The following SYNE3 variants were observed in gnomAD, a reference collection of about 807,000 sequenced individuals.
SYNE3 encodes nesprin-3.
In SYNE3, 100 loss-of-function variants were observed where a neutral mutation model predicts 111.2. The ratio of observed to expected loss-of-function variants is 0.90; its 90% CI spans 0.77 to 1.06. The LOEUF is 1.06. SYNE3 is among the 50% of genes least tolerant of loss of function. The probability of loss-of-function intolerance (pLI) is 0.00; values close to 1 mark genes in which losing one functional copy is unlikely to be tolerated. For synonymous variants in SYNE3, 547 were observed against 533.9 expected (o/e 1.02, Z -0.34); for missense variants, 1,160 against 1,240.3 (o/e 0.94, Z 0.97).
chr14:95,500,419 T>C lies in SYNE3; in HGVS notation c.-15+16177A>G, dbSNP rs557054747. On this transcript the variant is annotated intron_variant, in intron 1 of 17. Transcript: ENST00000682763. This position sits in a 1 kb window ranked among gnomAD's most constrained non-coding sequence, Gnocchi z 4.7. ...AGGGGCTACCCTCAGGAGTGAGTGA[T>C]ACCTTGCAGACGCGTAGGTGTCCTC... 2.7e-3 allele frequency among the ~76,000 whole-genome samples: 410 copies of C among 152,298 alleles called. No homozygotes were observed. The highest frequency in any genetic ancestry group is 3.5e-3 in the Non-Finnish European group (241 of 68,026).
At position 95,433,218 on chromosome 14, in the gene SYNE3, C is replaced by T. The variant is rs763588071; in HGVS notation, c.2688+42G>A. ...CAGGCAAATACGGCCCAGCTATAGT[C>T]CTGTCCCTGGAATCTGGGACCTGCA... On this transcript the variant is annotated intron_variant, in intron 16 of 17. Coordinates refer to ENST00000682763, the MANE Select transcript of SYNE3 (RefSeq NM_152592.6). 3 of 1,603,304 alleles carry T rather than the reference C, an allele frequency of 1.9e-6. No individual in the cohort carries two copies. The African/African-American group carries it at 4.0e-5, about 21-fold the overall frequency.
intron 2 of SYNE3, among the ~76,000 whole-genome samples, chr14:95,471,878 C>T (rs569089598): frequency 6.6e-6 from 1 of 152,202 alleles, no homozygotes; most frequent in Admixed American, 6.5e-5. Context: ...TATCAGGAGA[C>T]CAGGAAAGTG....
chr14:95,443,213 T>C lies in SYNE3; in HGVS notation c.1853A>G (p.His618Arg). ...GGAAAGCTGGTCCATTTTGTGCTGG[T>C]GGTTGGGGTTCTCCTGGACCAGAGG... The part of the protein sequence containing the change: ...ARPLVQENPN[H>R]QHKMDQLSSD... Residue 618 changes from histidine (H) to arginine (R), a missense_variant, in exon 11 of 18, where the codon CAC becomes CGC. His to Arg is a conservative substitution (Grantham distance 29). Coordinates refer to ENST00000682763, the MANE Select transcript of SYNE3 (RefSeq NM_152592.6). 1 of 1,614,140 alleles carries C rather than the reference T, an allele frequency of 6.2e-7. No homozygotes were observed. The highest frequency in any genetic ancestry group is 1.7e-5 in the Admixed American group (1 of 60,018).
At chr14:95,486,746 G>A (rs1039604205) in intron 1 of SYNE3, among the ~76,000 whole-genome samples, 1 of 152,220 alleles carries the variant, frequency 6.6e-6, no homozygotes, top group Non-Finnish European at 1.5e-5. Context: ...AGATGAACAT[G>A]TCTTTCCATT....
At chr14:95,423,414 G>A (rs1312717839) in intron 17 of SYNE3, among the ~76,000 whole-genome samples, 1 of 152,136 alleles carries the variant, frequency 6.6e-6, no homozygotes, top group East Asian at 1.9e-4. Flanking sequence ...AGGTCAGTGA[G>A]GGTCTAGGTT....
chr14:95,415,121 T>A lies in SYNE3; in HGVS notation c.*2705A>T, dbSNP rs1302119716. The A allele has an allele frequency of 6.6e-6, 1 of 151,960 alleles. No homozygotes were observed. The highest frequency in any genetic ancestry group is 6.6e-5 in the Admixed American group (1 of 15,244). 9.4% of individuals were successfully genotyped at this position (151,960 alleles called of 1,614,324 possible). A position where few individuals can be genotyped will look rare whatever the true frequency, so the allele number is the denominator to read the frequency against. On this transcript the variant is annotated 3_prime_UTR_variant, in exon 18 of 18. Coordinates refer to ENST00000682763, the MANE Select transcript of SYNE3 (RefSeq NM_152592.6). ...TCATGTAGTTGCTGACATGAGCGGATCATACCACAATGAGCAGGGTACCAC... is the reference window on the plus strand; with the variant it reads ...TCATGTAGTTGCTGACATGAGCGGAACATACCACAATGAGCAGGGTACCAC...
Position 95,485,469 on chromosome 14 carries a change from TGAGA to T in SYNE3, c.-14-9638_-14-9635del, listed in dbSNP as rs1235161094. ...TTCCTCAGATGCCCTGAAGGTAAAC[TGAGA>T]GAGTCGGCTGCTCCCCGACCAAAGA... On this transcript the variant is annotated intron_variant, in intron 1 of 17. Transcript: ENST00000682763. This position sits in a 1 kb window ranked among gnomAD's most constrained non-coding sequence, Gnocchi z 4.3. 6.6e-6 allele frequency among the ~76,000 whole-genome samples: 1 copy of T among 151,554 alleles called. No individual in the cohort carries two copies. Among genetic ancestry groups the T allele is most frequent in the Non-Finnish European group, 1.5e-5 (1 of 67,758 alleles).
chr14:95,409,077 A>G lies in SYNE3; in HGVS notation c.*8749T>C, dbSNP rs978157433. On this transcript the variant is annotated 3_prime_UTR_variant, in exon 18 of 18. Transcript: ENST00000682763. ...AATGTTGCCCTCCAGCTAACTCACCAGCTGCCAGAGTGGCAGCAGCCCGCG... is the reference window on the plus strand; with the variant it reads ...AATGTTGCCCTCCAGCTAACTCACCGGCTGCCAGAGTGGCAGCAGCCCGCG... 4.5e-6 allele frequency: 2 copies of G among 444,780 alleles called. No individual in the cohort carries two copies. The allele number at this position is 444,780 out of a possible 1,614,324, so 27.6% of individuals were successfully genotyped here.
At chr14:95,460,349 G>A (rs796143398) in intron 4 of SYNE3, among the ~76,000 whole-genome samples, 3 of 149,868 alleles carry the variant, frequency 2.0e-5, no homozygotes, top group African/African-American at 7.4e-5. Flanking sequence ...GCATTACAGG[G>A]GTGCACCACG....
intron 1 of SYNE3, among the ~76,000 whole-genome samples, chr14:95,481,045 G>A (rs1038079740): frequency 1.3e-5 from 2 of 152,208 alleles, no homozygotes; most frequent in Admixed American, 1.3e-4. Flanking sequence ...ATGCTGCGGG[G>A]CTGACTGGGG....
At position 95,460,500 on chromosome 14, in the gene SYNE3, C is replaced by A. The variant is rs372159405; in HGVS notation, c.628-3162G>T. Among the ~76,000 whole-genome samples the A allele has an allele frequency of 5.8e-4, 88 of 151,634 alleles. 1 individual carries two copies. The highest frequency in any genetic ancestry group is 2.0e-3 in the African/African-American group (84 of 41,318). The stretch of plus-strand genomic sequence containing the variant: ...CATCTCAAAGTGCTGGGATTACAGG[C>A]GTGAGCCACCATGCCCAGTCAAAAG... On this transcript the variant is annotated intron_variant, in intron 4 of 17. Transcript: ENST00000682763.
intron 1 of SYNE3, among the ~76,000 whole-genome samples, chr14:95,482,558 AC>A (rs921798123): frequency 2.6e-5 from 4 of 152,190 alleles, no homozygotes; most frequent in Non-Finnish European, 5.9e-5. Flanking sequence ...CTCCCCTGAA[AC>A]ATGAGAGCAA....
At chr14:95,423,168 T>A (rs1235766967) in intron 17 of SYNE3, among the ~76,000 whole-genome samples, 2 of 152,120 alleles carry the variant, frequency 1.3e-5, no homozygotes, top group South Asian at 4.1e-4. Flanking sequence ...TTTCAGTTGA[T>A]TTTGGAGAGG....
intron 4 of SYNE3, among the ~76,000 whole-genome samples, chr14:95,457,775 G>A (rs1344293420): frequency 1.3e-5 from 2 of 152,146 alleles, no homozygotes; most frequent in South Asian, 2.1e-4. Flanking sequence ...CCATAAGGGG[G>A]TACCATTACA....
intron 7 of SYNE3, 141 bp downstream of exon 7, chr14:95,452,106 C>G: frequency 9.1e-7 from 1 of 1,100,796 alleles, no homozygotes; most frequent in African/African-American, 1.6e-5. Flanking sequence ...GTGAGAACCT[C>G]TAAAAGCCAG....
chr14:95,431,428 C>T (rs1232175297), intron 17 of SYNE3, among the ~76,000 whole-genome samples: 1 of 152,210 alleles, frequency 6.6e-6, no homozygotes, highest in Non-Finnish European at 1.5e-5. Flanking sequence ...GAGGCCCTAA[C>T]CACAACTTAG....
At chr14:95,502,089 G>A (rs1487808765) in intron 1 of SYNE3, among the ~76,000 whole-genome samples, 2 of 152,080 alleles carry the variant, frequency 1.3e-5, no homozygotes, top group Non-Finnish European at 2.9e-5. Context: ...GCATGACTTT[G>A]ACCTAGGATG....
chr14:95,444,447 C>G, intron 10 of SYNE3, 38 bp downstream of exon 10: 1 of 1,556,284 alleles, frequency 6.4e-7, no homozygotes, highest in Non-Finnish European at 8.7e-7. Context: ...CAGCTGAGCA[C>G]CTGGGCAGGA....
chr14:95,475,331 G>GC (rs1249680348), intron 2 of SYNE3, among the ~76,000 whole-genome samples: 1 of 152,142 alleles, frequency 6.6e-6, no homozygotes, highest in Non-Finnish European at 1.5e-5. Flanking sequence ...GGGGTGGGAA[G>GC]CCCCCCAGCA....
Sources: allele counts gnomAD v4.1 joint callset (sites outside exome capture counted in the v4.1 genomes callset), GRCh38; gene constraint gnomAD v4.1.1; non-coding constraint Gnocchi (gnomAD v3.1); transcripts MANE v1.5; gene names NCBI Gene and HGNC (gene_info 2026-07-23, HGNC 2026-07-21).